Variants in FAM184B observed in about 807,000 individuals in gnomAD.
FAM184B encodes protein FAM184B.
A neutral mutation model predicts 135.9 loss-of-function variants in FAM184B; 111 were observed. The observed-to-expected ratio is 0.82, with a 90% confidence interval of 0.70 to 0.96. The LOEUF (loss-of-function observed/expected upper bound fraction) is 0.96, where lower values mean the gene tolerates loss of function less well. FAM184B is among the 40% of genes least tolerant of loss of function. The pLI is 0.00. For missense variants in FAM184B, 1,375 were observed against 1,323.9 expected, an observed-to-expected ratio of 1.04 and a Z score of -0.60; for synonymous variants, 552 against 524.8, an observed-to-expected ratio of 1.05 and a Z score of -0.71.
chr4:17,664,614 A>G lies in FAM184B; in HGVS notation c.1642T>C (p.Tyr548His), dbSNP rs1560171543. ...LDETSPRGEE[Y>H]QDKLAAEEGT... The stretch of plus-strand genomic sequence containing the variant: ...TCTTCAGCTGCTAACTTATCTTGAT[A>G]CTCCTCTCCTCTCGGCGAAGTTTCA... The change falls in exon 8 of 18, where the codon TAT becomes CAT. Residue 548 changes from tyrosine (Y) to histidine (H), a missense_variant. Physicochemically the swap from Tyr to His is moderately conservative, Grantham distance 83. Coordinates refer to ENST00000265018, the MANE Select transcript of FAM184B (RefSeq NM_015688.2). 2 of 1,549,038 alleles carry G rather than the reference A, an allele frequency of 1.3e-6. No individual in the cohort carries two copies. Among genetic ancestry groups the G allele is most frequent in the Admixed American group, 2.0e-5 (1 of 50,468 alleles).
At position 17,723,621 on chromosome 4, in the gene FAM184B, G is replaced by A. The variant is rs536113686; in HGVS notation, c.142-13977C>T. On this transcript the variant is annotated intron_variant, in intron 1 of 17. Transcript: ENST00000265018. ...GTCTCTGACTTATGCTCTCAGTAGC[G>A]TCTGTATACAGTCCATGACAGTCTG... Among the ~76,000 whole-genome samples the A allele has an allele frequency of 5.6e-4, 86 of 152,214 alleles. 1 individual carries two copies. The highest frequency in any genetic ancestry group is 1.5e-3 in the East Asian group (8 of 5,180).
intron 1 of FAM184B, among the ~76,000 whole-genome samples, chr4:17,748,993 ATTTTTTT>A (rs35520026): frequency 1.6e-5 from 2 of 128,196 alleles, no homozygotes; most frequent in African/African-American, 3.0e-5. Flanking sequence ...CACCCAGCTA[ATTTTTTT>A]TTTTTTTTTT....
At chr4:17,745,432 G>A (rs531332190) in intron 1 of FAM184B, among the ~76,000 whole-genome samples, 60 of 152,290 alleles carry the variant, frequency 3.9e-4, no homozygotes, top group African/African-American at 1.4e-3. Flanking sequence ...TACTAAGTCC[G>A]CGGCCTTAGG....
chr4:17,637,439 G>A (rs1266840426), intron 14 of FAM184B, among the ~76,000 whole-genome samples: 1 of 152,216 alleles, frequency 6.6e-6, no homozygotes, highest in Admixed American at 6.5e-5. Context: ...AGGGCTTTGG[G>A]TGAGATGACC....
At chr4:17,652,560 GGA>G (rs1715650014) in intron 11 of FAM184B, among the ~76,000 whole-genome samples, 1 of 152,234 alleles carries the variant, frequency 6.6e-6, no homozygotes, top group Non-Finnish European at 1.5e-5. Flanking sequence ...GGCAGAGCCA[GGA>G]TTGTCCCTGA....
chr4:17,655,007 C>T (rs1715749348), intron 10 of FAM184B, among the ~76,000 whole-genome samples: 2 of 152,116 alleles, frequency 1.3e-5, no homozygotes, highest in Admixed American at 1.3e-4. Flanking sequence ...GCTCACTACT[C>T]CACCTGGCTA....
chr4:17,633,704 G>A lies in FAM184B; in HGVS notation c.3074C>T (p.Ala1025Val). The A allele has an allele frequency of 3.3e-6, 5 of 1,534,028 alleles. No individual in the cohort carries two copies. Among genetic ancestry groups the A allele is most frequent in the Non-Finnish European group, 4.4e-6 (5 of 1,138,584 alleles). ...RTYKPNQSTD[A>V]KTATRTPDGE... ...TCCCCCAAACCTTGTGGCAGTTTTTGCATCTGTAGACTGGTTGGGTTTGTA... is the reference window on the plus strand; with the variant it reads ...TCCCCCAAACCTTGTGGCAGTTTTTACATCTGTAGACTGGTTGGGTTTGTA... The change falls in exon 17 of 18, where the codon GCA (alanine) becomes GTA (valine). Residue 1025 changes from alanine to valine, a missense_variant. Physicochemically the swap from Ala to Val is moderately conservative, Grantham distance 64. Coordinates refer to ENST00000265018, the MANE Select transcript of FAM184B (RefSeq NM_015688.2).
intron 1 of FAM184B, among the ~76,000 whole-genome samples, chr4:17,737,146 A>C (rs2108981252): frequency 6.8e-6 from 1 of 147,890 alleles, no homozygotes; most frequent in South Asian, 2.1e-4. Context: ...CTTCGTCTCA[A>C]AAAAAAAAAA....
At chr4:17,675,373 A>C (rs113718965) in intron 7 of FAM184B, among the ~76,000 whole-genome samples, 3,065 of 152,284 alleles carry the variant, frequency 0.02, 102 homozygotes, top group African/African-American at 0.071. Flanking sequence ...AGTAAGTCTC[A>C]ACACTGGGCT....
chr4:17,697,103 C>T (rs1372226259), intron 5 of FAM184B, among the ~76,000 whole-genome samples: 2 of 152,132 alleles, frequency 1.3e-5, no homozygotes, highest in Non-Finnish European at 2.9e-5. Context: ...GAAATCATCG[C>T]ACAGTCCATC....
intron 7 of FAM184B, among the ~76,000 whole-genome samples, chr4:17,668,709 T>G (rs2108946686): frequency 6.6e-6 from 1 of 152,246 alleles, no homozygotes; most frequent in South Asian, 2.1e-4. Flanking sequence ...ATTTTTTTAT[T>G]TTTTTGAGTA....
At chr4:17,679,110 T>C (rs886416845) in intron 7 of FAM184B, among the ~76,000 whole-genome samples, 6 of 152,182 alleles carry the variant, frequency 3.9e-5, no homozygotes, top group African/African-American at 1.4e-4. Context: ...CTTCTAGACA[T>C]TGGCTTAGGC....
At chr4:17,647,216 G>T (rs188215618) in intron 12 of FAM184B, among the ~76,000 whole-genome samples, 49 of 151,576 alleles carry the variant, frequency 3.2e-4, no homozygotes, top group Admixed American at 4.6e-4. Context: ...CTTCGGGCAG[G>T]GGGGAGGGGA....
chr4:17,649,863 CCCA>C (rs1560167548), intron 11 of FAM184B, among the ~76,000 whole-genome samples: 4 of 104,276 alleles, frequency 3.8e-5, no homozygotes, highest in East Asian at 1.1e-3. Flanking sequence ...CATCCATCCA[CCCA>C]CTCATCCATC....
chr4:17,639,309 C>T lies in FAM184B; in HGVS notation c.2607G>A (p.Val869=). Residue 869 remains valine, a synonymous_variant, in exon 14 of 18, where the codon GTG becomes GTA. Transcript: ENST00000265018. ...QEHRKEMQAM[V]ADFSSAQAQL... ...GGGCCTGGGCACTACTGAAATCTGC[C>T]ACCATGGCCTGCATCTCCTTCCGGT... 6.4e-7 allele frequency: 1 copy of T among 1,551,772 alleles called. No individual in the cohort carries two copies. The highest frequency in any genetic ancestry group is 8.7e-7 in the Non-Finnish European group (1 of 1,147,022).
At position 17,632,454 on chromosome 4, in the gene FAM184B, G is replaced by C; in HGVS notation, c.*78C>G. 8.1e-7 allele frequency: 1 copy of C among 1,231,744 alleles called. No individual in the cohort carries two copies. Among genetic ancestry groups the C allele is most frequent in the Non-Finnish European group, 1.1e-6 (1 of 874,346 alleles). The allele number at this position is 1,231,744 out of a possible 1,614,324, so 76.3% of individuals were successfully genotyped here. Reference sequence around the variant, plus strand: ...TAAGCATATTATTTGGTTGGTTGGTGTTAGTTCATTCCTTCAATCGGATGA... The same window carrying C: ...TAAGCATATTATTTGGTTGGTTGGTCTTAGTTCATTCCTTCAATCGGATGA... On this transcript the variant is annotated 3_prime_UTR_variant, in exon 18 of 18. Coordinates refer to ENST00000265018, the MANE Select transcript of FAM184B (RefSeq NM_015688.2).
intron 13 of FAM184B, among the ~76,000 whole-genome samples, chr4:17,641,358 A>G (rs778174542): frequency 6.6e-6 from 1 of 150,994 alleles, no homozygotes; most frequent in Non-Finnish European, 1.5e-5. Flanking sequence ...GGTCTGAACT[A>G]TTCCACTACA....
At chr4:17,710,874 A>G (rs1360779883) in intron 1 of FAM184B, among the ~76,000 whole-genome samples, 1 of 152,184 alleles carries the variant, frequency 6.6e-6, no homozygotes, top group Admixed American at 6.5e-5. Flanking sequence ...AGTAAGTTTG[A>G]TGTGCCCCTG....
In FAM184B at chr4:17,636,514, CCT is replaced by C. The variant is rs1397262589; in HGVS notation, c.2784+12_2784+13del. ...GGCCAGGTGCGTGGGTGAGGCGCCC[CCT>C]GACAGCCTCACCGTGAGCTGCTTGA... On this transcript the variant is annotated intron_variant, in intron 15 of 17. Coordinates refer to ENST00000265018, the MANE Select transcript of FAM184B (RefSeq NM_015688.2). The C allele has an allele frequency of 1.4e-5, 21 of 1,544,052 alleles. No homozygotes were observed. The highest frequency in any genetic ancestry group is 6.9e-5 in the African/African-American group (5 of 72,854).
Sources: allele counts gnomAD v4.1 joint callset (sites outside exome capture counted in the v4.1 genomes callset), GRCh38; gene constraint gnomAD v4.1.1; transcripts MANE v1.5; gene names NCBI Gene and HGNC (gene_info 2026-07-23, HGNC 2026-07-21).